CCN4: variants seen among roughly 807,000 people sequenced by gnomAD.
The protein encoded by CCN4 is CCN family member 4.
Under a neutral mutation model 36.7 loss-of-function variants are expected in CCN4, and 30 were observed. The observed-to-expected ratio is 0.82, with a 90% CI of 0.61 to 1.11. The LOEUF (loss-of-function observed/expected upper bound fraction) is 1.11, where lower values mean the gene tolerates loss of function less well. Among genes scored for constraint, CCN4 ranks in the 50% least tolerant of loss-of-function variants. The pLI, the probability that CCN4 is intolerant of heterozygous loss-of-function variation, is 0.00. For missense variants in CCN4, 505 were observed against 504.9 expected (o/e 1.00, Z 0.00); for synonymous variants, 191 against 195.4 (o/e 0.98, Z 0.19).
intron 2 of CCN4, among the ~76,000 whole-genome samples, chr8:133,218,195 T>G (rs1428658803): frequency 6.6e-6 from 1 of 152,134 alleles, no homozygotes; most frequent in Non-Finnish European, 1.5e-5. Flanking sequence ...CTGAGAGCTT[T>G]CCTGTCCATC....
intron 2 of CCN4, among the ~76,000 whole-genome samples, chr8:133,217,960 A>ACACACACACACACACACACACACT (rs1204772421): frequency 1.3e-5 from 2 of 150,954 alleles, no homozygotes; most frequent in African/African-American, 2.4e-5. Flanking sequence ...ACACACACAC[A>ACACACACACACACACACACACACT]CTCTTCCTGG....
chr8:133,208,287 G>A (rs1157026827), intron 1 of CCN4, among the ~76,000 whole-genome samples: 5 of 152,160 alleles, frequency 3.3e-5, no homozygotes, highest in Non-Finnish European at 7.3e-5. Context: ...GACCTCATAT[G>A]ATGCTCACTT....
At chr8:133,217,936 C>CCACACACACACACG (rs56318195) in intron 2 of CCN4, among the ~76,000 whole-genome samples, 3 of 144,432 alleles carry the variant, frequency 2.1e-5, no homozygotes, top group Admixed American at 1.4e-4. Context: ...ACTCCCTTCT[C>CCACACACACACACG]CACACACACA....
At chr8:133,206,155 C>T (rs904009853) in intron 1 of CCN4, among the ~76,000 whole-genome samples, 1 of 152,192 alleles carries the variant, frequency 6.6e-6, no homozygotes, top group Non-Finnish European at 1.5e-5. Flanking sequence ...AGCTCTGACC[C>T]AGAGGCGCCA....
intron 2 of CCN4, among the ~76,000 whole-genome samples, chr8:133,217,166 T>C (rs777098616): frequency 1.3e-5 from 2 of 152,256 alleles, no homozygotes; most frequent in Non-Finnish European, 2.9e-5. Flanking sequence ...GTCAAGTGCC[T>C]GCTACATGGC....
chr8:133,212,818 A>G, intron 1 of CCN4, 46 bp from the exon 2 acceptor site: 1 of 1,443,746 alleles, frequency 6.9e-7, no homozygotes, highest in African/African-American at 1.4e-5. Flanking sequence ...GGGCGTTGAA[A>G]CCCCTGTCTC....
intron 1 of CCN4, among the ~76,000 whole-genome samples, chr8:133,202,061 T>C (rs1853607330): frequency 6.6e-6 from 1 of 152,214 alleles, no homozygotes; most frequent in Non-Finnish European, 1.5e-5. Flanking sequence ...TTGTTGTGGT[T>C]TTCTCACTAC....
chr8:133,202,157 C>T (rs1161067921), intron 1 of CCN4, among the ~76,000 whole-genome samples: 1 of 152,138 alleles, frequency 6.6e-6, no homozygotes, highest in Non-Finnish European at 1.5e-5. Context: ...ATGTATTTTA[C>T]CCTTGATGTT....
chr8:133,227,910 G>A lies in CCN4; in HGVS notation c.*200G>A. The A allele has an allele frequency of 4.9e-6, 3 of 608,366 alleles. No individual in the cohort carries two copies. The East Asian group carries it at 8.5e-5, about 17-fold the overall frequency. 37.7% of individuals were successfully genotyped at this position (608,366 alleles called of 1,614,324 possible). On this transcript the variant is annotated 3_prime_UTR_variant, in exon 5 of 5. Transcript: ENST00000250160. ...TGAGTTTTCTCCTTGATATCATTCA[G>A]CATCTACTCTAAAGAAAAATGCCTG...
intron 2 of CCN4, among the ~76,000 whole-genome samples, chr8:133,218,788 C>T (rs887417304): frequency 2.6e-5 from 4 of 152,156 alleles, no homozygotes; most frequent in African/African-American, 9.7e-5. Flanking sequence ...AAGTCCCCAA[C>T]TCTCCCTGAC....
intron 2 of CCN4, among the ~76,000 whole-genome samples, chr8:133,215,553 T>C (rs1351729639): frequency 6.6e-6 from 1 of 152,176 alleles, no homozygotes; most frequent in Non-Finnish European, 1.5e-5. Flanking sequence ...GATCCAAAGA[T>C]TGTGTGAACC....
chr8:133,216,614 A>G (rs1183893483), intron 2 of CCN4, among the ~76,000 whole-genome samples: 6 of 152,238 alleles, frequency 3.9e-5, no homozygotes, highest in Non-Finnish European at 8.8e-5. Context: ...GTGACCTCTG[A>G]GTTACATCAT....
rs148056919 is a variant in CCN4, at chr8:133,196,917, G to A, written c.69+5704G>A. ...AGGCTCAGCACCAGTTGGCTAGGAG[G>A]AGGGGCAGGCTGAGGGGCAGACTAA... On this transcript the variant is annotated intron_variant, in intron 1 of 4. Coordinates refer to ENST00000250160, the MANE Select transcript of CCN4 (RefSeq NM_003882.4). Among the ~76,000 whole-genome samples the A allele has an allele frequency of 2.6e-3, 400 of 152,324 alleles. 5 individuals carry two copies. Among genetic ancestry groups the A allele is most frequent in the African/African-American group, 9.0e-3 (376 of 41,572 alleles).
chr8:133,225,633 T>C lies in CCN4; in HGVS notation c.804+50T>C, dbSNP rs756438556. The C allele has an allele frequency of 6.1e-6, 9 of 1,472,658 alleles. No individual in the cohort carries two copies. The Admixed American group carries it at 1.3e-4, about 20-fold the overall frequency. 91.2% of individuals were successfully genotyped at this position (1,472,658 alleles called of 1,614,324 possible). A position where few individuals can be genotyped will look rare whatever the true frequency, so the allele number is the denominator to read the frequency against. ...TCTAGACTTCACAAGCAGACAAATA[T>C]GGGTTTGAGCCTGGCTCCTGAACTT... is the stretch of plus-strand genomic sequence containing the variant. On this transcript the variant is annotated intron_variant, in intron 4 of 4. Coordinates refer to ENST00000250160, the MANE Select transcript of CCN4 (RefSeq NM_003882.4).
chr8:133,212,028 G>A (rs545475407), intron 1 of CCN4, among the ~76,000 whole-genome samples: 1 of 152,292 alleles, frequency 6.6e-6, no homozygotes, highest in Admixed American at 6.5e-5. Context: ...TTAGGGCCTT[G>A]GTTTCCCTTC....
At chr8:133,196,811 G>A (rs997725160) in intron 1 of CCN4, among the ~76,000 whole-genome samples, 1 of 152,206 alleles carries the variant, frequency 6.6e-6, no homozygotes, top group Non-Finnish European at 1.5e-5. Flanking sequence ...TCCAATAGCA[G>A]GGCAGGGGAA....
At chr8:133,206,480 C>T (rs998366633) in intron 1 of CCN4, among the ~76,000 whole-genome samples, 1 of 152,202 alleles carries the variant, frequency 6.6e-6, no homozygotes, top group African/African-American at 2.4e-5. Flanking sequence ...ATGCTTCCCC[C>T]ACTCCTTTTT....
intron 1 of CCN4, among the ~76,000 whole-genome samples, chr8:133,204,885 G>T (rs953645231): frequency 3.3e-5 from 5 of 152,204 alleles, no homozygotes; most frequent in African/African-American, 1.2e-4. Context: ...AGTTTCACAG[G>T]CCAGTGATTC....
intron 2 of CCN4, among the ~76,000 whole-genome samples, chr8:133,213,703 A>G (rs1381893992): frequency 1.4e-5 from 2 of 147,762 alleles, no homozygotes; most frequent in African/African-American, 2.5e-5. Flanking sequence ...AATATACTAT[A>G]TATTCTATAT....
Sources: gnomAD v4.1 joint callset for allele counts (sites outside exome capture counted in the v4.1 genomes callset) on GRCh38, gnomAD v4.1.1 for gene constraint, MANE v1.5 for transcripts, NCBI Gene and HGNC (gene_info 2026-07-23, HGNC 2026-07-21) for gene names.